The following KHDRBS2 variants were observed in gnomAD, a reference collection of about 807,000 sequenced individuals.
The protein encoded by KHDRBS2 is KH RNA binding domain containing, signal transduction associated 2.
Under a neutral mutation model 44.3 loss-of-function variants are expected in KHDRBS2, and 26 were observed. The ratio of observed to expected loss-of-function variants is 0.59; its 90% CI spans 0.43 to 0.81. KHDRBS2 has a LOEUF of 0.81. KHDRBS2 is among the 40% of genes least tolerant of loss of function. The probability of loss-of-function intolerance (pLI) is 0.00; values close to 1 mark genes in which losing one functional copy is unlikely to be tolerated. For missense variants in KHDRBS2, 476 were observed against 433.1 expected (o/e 1.10, Z -0.88); for synonymous variants, 194 against 151.1 (o/e 1.28, Z -2.08).
chr6:61,970,243 C>T (rs1206016444), intron 4 of KHDRBS2, among the ~76,000 whole-genome samples: 1 of 151,690 alleles, frequency 6.6e-6, no homozygotes, highest in East Asian at 1.9e-4. Context: ...TCCCATGTTA[C>T]TTGATTGGGT....
chr6:61,571,499 A>G, the KHDRBS2 span, among the ~76,000 whole-genome samples: 2 of 140,238 alleles, frequency 1.4e-5, no homozygotes, highest in East Asian at 4.1e-4. Context: ...ACTGACAGCA[A>G]TAGTTCATCT....
intron 2 of KHDRBS2, among the ~76,000 whole-genome samples, chr6:62,051,736 C>A (rs1789100274): frequency 6.6e-6 from 1 of 151,936 alleles, no homozygotes; most frequent in Non-Finnish European, 1.5e-5. Flanking sequence ...TTGCAAAGCA[C>A]ACATCTATTA....
the KHDRBS2 span, chr6:61,630,288 A>G: frequency 1.3e-5 from 2 of 152,238 alleles, no homozygotes; most frequent in Non-Finnish European, 2.9e-5. Flanking sequence ...AAGGTTTGGT[A>G]ACTGAAGACT....
intron 3 of KHDRBS2, among the ~76,000 whole-genome samples, chr6:61,979,959 A>T (rs1773497948): frequency 6.6e-6 from 1 of 152,132 alleles, no homozygotes; most frequent in Admixed American, 6.6e-5. Flanking sequence ...TACACCTAGA[A>T]TTTCCTAGGG....
intron 1 of KHDRBS2, among the ~76,000 whole-genome samples, chr6:62,226,281 A>G (rs1193836649): frequency 1.3e-5 from 2 of 152,170 alleles, no homozygotes. Flanking sequence ...CATTTCTCTA[A>G]TTATCAGTGA....
intron 2 of KHDRBS2, among the ~76,000 whole-genome samples, chr6:62,118,324 A>T (rs1203796014): frequency 6.6e-6 from 1 of 152,206 alleles, no homozygotes; most frequent in Admixed American, 6.5e-5. Flanking sequence ...GAAGCCAGGT[A>T]GTGTGATGTC....
chr6:61,684,188 C>A (rs933787641), intron 8 of KHDRBS2, among the ~76,000 whole-genome samples: 1 of 151,848 alleles, frequency 6.6e-6, no homozygotes, highest in Non-Finnish European at 1.5e-5. Flanking sequence ...GAGTACTGAA[C>A]CAATGAACGT....
intron 6 of KHDRBS2, among the ~76,000 whole-genome samples, chr6:61,865,911 G>A (rs1797715189): frequency 6.6e-6 from 1 of 152,214 alleles, no homozygotes; most frequent in Non-Finnish European, 1.5e-5. Flanking sequence ...TGATGCAAGA[G>A]GTGGGCTCCC....
intron 2 of KHDRBS2, among the ~76,000 whole-genome samples, chr6:62,080,218 T>C (rs537349061): frequency 1.3e-5 from 2 of 152,238 alleles, no homozygotes; most frequent in South Asian, 2.1e-4. Context: ...ATTTATTAAA[T>C]GTTTGTGATG....
the KHDRBS2 span, among the ~76,000 whole-genome samples, chr6:61,604,578 C>T: frequency 6.6e-6 from 1 of 152,154 alleles, no homozygotes; most frequent in Non-Finnish European, 1.5e-5. Flanking sequence ...CTCTTAGAAC[C>T]ACTCATTTCC....
At chr6:62,173,030 A>T (rs945259831) in intron 2 of KHDRBS2, among the ~76,000 whole-genome samples, 16 of 152,202 alleles carry the variant, frequency 1.1e-4, no homozygotes, top group African/African-American at 3.9e-4. Context: ...TAGAGGAAGT[A>T]GAGAAACAAG....
chr6:61,993,673 A>ATTTTT (rs200474893), intron 3 of KHDRBS2, among the ~76,000 whole-genome samples: 7 of 115,680 alleles, frequency 6.1e-5, no homozygotes, highest in African/African-American at 2.3e-4. Flanking sequence ...ATATATATAT[A>ATTTTT]TTTTTTTTTT....
rs1441867284 is a variant in KHDRBS2, at chr6:61,816,814, T to C, written c.810+77821A>G. On this transcript the variant is annotated intron_variant, in intron 6 of 8. Coordinates refer to ENST00000281156, the MANE Select transcript of KHDRBS2 (RefSeq NM_152688.4). Reference sequence around the variant, plus strand: ...ATTTAGAACTCTCCCACATACATTTTATATTAATATTTTAGTGTGAAAAAT... The same window carrying C: ...ATTTAGAACTCTCCCACATACATTTCATATTAATATTTTAGTGTGAAAAAT... 46 of 380,776 alleles carry C rather than the reference T, an allele frequency of 1.2e-4. No individual in the cohort carries two copies. The East Asian group carries it at 3.2e-3, about 26-fold the overall frequency. 23.6% of individuals were successfully genotyped at this position (380,776 alleles called of 1,614,324 possible).
chr6:61,964,006 T>G (rs985971912), intron 4 of KHDRBS2, among the ~76,000 whole-genome samples: 4 of 152,076 alleles, frequency 2.6e-5, no homozygotes, highest in African/African-American at 9.7e-5. Flanking sequence ...CAGTTTTAAT[T>G]CTGTTTTCCA....
At chr6:62,247,785 A>G (rs1835857126) in intron 1 of KHDRBS2, among the ~76,000 whole-genome samples, 1 of 152,138 alleles carries the variant, frequency 6.6e-6, no homozygotes, top group Non-Finnish European at 1.5e-5. Flanking sequence ...ATTGTAAAAG[A>G]TTAGAATACC....
intron 1 of KHDRBS2, among the ~76,000 whole-genome samples, chr6:62,208,184 T>G (rs1158033103): frequency 6.6e-6 from 1 of 152,178 alleles, no homozygotes. Flanking sequence ...GTCCTCCATG[T>G]TCATCCATGT....
Position 61,721,226 on chromosome 6 carries a change from T to A in KHDRBS2, c.893+11456A>T, listed in dbSNP as rs559719594. Among the ~76,000 whole-genome samples, 7 of 152,270 alleles carry A rather than the reference T, an allele frequency of 4.6e-5. No individual in the cohort carries two copies. The South Asian group carries it at 1.4e-3, about 32-fold the overall frequency. On this transcript the variant is annotated intron_variant, in intron 7 of 8. Coordinates refer to ENST00000281156, the MANE Select transcript of KHDRBS2 (RefSeq NM_152688.4). ...GTCAGGTAGTGTGATGCCTCCAGCT[T>A]TGTCCTTTTGGCTCCGGATTGACTG...
At chr6:62,027,383 C>T (rs1431549117) in intron 3 of KHDRBS2, among the ~76,000 whole-genome samples, 1 of 152,088 alleles carries the variant, frequency 6.6e-6, no homozygotes, top group Non-Finnish European at 1.5e-5. Context: ...TCTTCCCTGT[C>T]CCTGGTTTCT....
intron 3 of KHDRBS2, among the ~76,000 whole-genome samples, chr6:61,982,863 T>A (rs1178719364): frequency 2.6e-5 from 4 of 152,162 alleles, no homozygotes; most frequent in Non-Finnish European, 5.9e-5. Flanking sequence ...ACTGGTTCTT[T>A]AATGTCCTGT....
Sources: gnomAD v4.1 joint callset for allele counts (sites outside exome capture counted in the v4.1 genomes callset) on GRCh38, gnomAD v4.1.1 for gene constraint, MANE v1.5 for transcripts, NCBI Gene and HGNC (gene_info 2026-07-23, HGNC 2026-07-21) for gene names.